XPR1: variants seen among roughly 807,000 people sequenced by gnomAD.
XPR1 encodes the protein solute carrier family 53 member 1.
XPR1 carries 28 observed loss-of-function variants against 87.5 expected under a neutral mutation model. The ratio of observed to expected loss-of-function variants is 0.32; its 90% CI spans 0.24 to 0.44. XPR1 has a LOEUF of 0.44. XPR1 is among the 20% of genes least tolerant of loss of function. The pLI, the probability that XPR1 is intolerant of heterozygous loss-of-function variation, is 1.00. For missense variants in XPR1, 559 were observed against 862.3 expected, an observed-to-expected ratio of 0.65 and a Z score of 4.41; for synonymous variants, 300 against 306.1, an observed-to-expected ratio of 0.98 and a Z score of 0.21.
chr1:180,853,791 G>GT (rs374408714), intron 11 of XPR1, among the ~76,000 whole-genome samples: 36,066 of 109,256 alleles, frequency 0.33, 6,871 homozygotes, highest in Non-Finnish European at 0.42. Context: ...CATTCATGTG[G>GT]TTTTTTTTTT....
chr1:180,714,565 C>T (rs929257055), intron 2 of XPR1, among the ~76,000 whole-genome samples: 2 of 151,878 alleles, frequency 1.3e-5, no homozygotes, highest in African/African-American at 4.8e-5. Context: ...CCACCATGCC[C>T]AGCTAAGTCT....
rs766778205 is a variant in XPR1 at position 180,632,213 on chromosome 1, C to T, written c.12C>T (p.Ala4=). Reference sequence around the variant, plus strand: ...GGGGAAACGGCAGGATGAAGTTCGCCGAGCACCTCTCCGCGCACATCACTC... The same window carrying T: ...GGGGAAACGGCAGGATGAAGTTCGCTGAGCACCTCTCCGCGCACATCACTC... MKF[A]EHLSAHITPE... is the part of the protein sequence containing the mutation. Residue 4 remains alanine (A), a synonymous_variant, in exon 1 of 15, where the codon GCC becomes GCT. Transcript: ENST00000367590. The T allele has an allele frequency of 5.6e-6, 9 of 1,610,100 alleles. No individual in the cohort carries two copies. Among genetic ancestry groups the T allele is most frequent in the Non-Finnish European group, 7.6e-6 (9 of 1,178,090 alleles).
At chr1:180,634,590 A>G (rs897777696) in intron 1 of XPR1, among the ~76,000 whole-genome samples, 2 of 152,314 alleles carry the variant, frequency 1.3e-5, no homozygotes, top group South Asian at 2.1e-4. Flanking sequence ...GTAGTTTCTC[A>G]TATGAAGATG....
At chr1:180,673,792 G>A (rs947114544) in intron 1 of XPR1, among the ~76,000 whole-genome samples, 1 of 152,338 alleles carries the variant, frequency 6.6e-6, no homozygotes, top group Admixed American at 6.5e-5. Flanking sequence ...AGTCCCTGGA[G>A]CCAAAAGGGT....
At chr1:180,804,055 G>T (rs1296218611) in intron 4 of XPR1, among the ~76,000 whole-genome samples, 1 of 150,960 alleles carries the variant, frequency 6.6e-6, no homozygotes, top group African/African-American at 2.4e-5. Context: ...ACACGATCTC[G>T]GCTCACTGCA....
chr1:180,807,215 C>T lies in XPR1; in HGVS notation c.681+658C>T, dbSNP rs190551748. 1.5e-4 allele frequency among the ~76,000 whole-genome samples: 23 copies of T among 152,096 alleles called. No homozygotes were observed. The South Asian group carries it at 2.1e-3, about 14-fold the overall frequency. ...ATTGTGCTGGAGATTATAGCCAGTG[C>T]GGTAAGGGAAGAAAAAGAAATAAAA... On this transcript the variant is annotated intron_variant, in intron 6 of 14. Transcript: ENST00000367590.
rs12092594 is a variant in XPR1 at position 180,733,713 on chromosome 1, C to T, written c.121+51302C>T. 1.4e-3 allele frequency among the ~76,000 whole-genome samples: 220 copies of T among 152,088 alleles called. 1 individual carries two copies. Among genetic ancestry groups the T allele is most frequent in the Non-Finnish European group, 3.5e-4 (24 of 67,986 alleles). On this transcript the variant is annotated intron_variant, in intron 2 of 14. Coordinates refer to ENST00000367590, the MANE Select transcript of XPR1 (RefSeq NM_004736.4). ...GGATTTAAGAACTATTAAAGGAACT[C>T]GGGAAGACGGGATTTTATTTGGGAG...
intron 1 of XPR1, among the ~76,000 whole-genome samples, chr1:180,648,398 A>G (rs1218325346): frequency 6.6e-6 from 1 of 152,238 alleles, no homozygotes; most frequent in Non-Finnish European, 1.5e-5. Flanking sequence ...TTCACTGCCC[A>G]TGTGCATCAG....
At chr1:180,858,854 A>G (rs1363778852) in intron 11 of XPR1, among the ~76,000 whole-genome samples, 1 of 152,188 alleles carries the variant, frequency 6.6e-6, no homozygotes, top group Non-Finnish European at 1.5e-5. Flanking sequence ...ACTAAAACAC[A>G]CTAAAGATCG....
intron 1 of XPR1, among the ~76,000 whole-genome samples, chr1:180,661,066 T>C (rs895615722): frequency 6.6e-6 from 1 of 152,200 alleles, no homozygotes; most frequent in Non-Finnish European, 1.5e-5. Flanking sequence ...TGTTATAGCC[T>C]GTTTCTGAAT....
intron 2 of XPR1, among the ~76,000 whole-genome samples, chr1:180,736,238 T>G (rs982254829): frequency 6.6e-6 from 1 of 152,174 alleles, no homozygotes; most frequent in African/African-American, 2.4e-5. Context: ...GGAAATAGCA[T>G]GTACCAAGAT....
intron 3 of XPR1, among the ~76,000 whole-genome samples, chr1:180,788,192 C>T (rs913047103): frequency 2.0e-5 from 3 of 152,122 alleles, no homozygotes; most frequent in East Asian, 3.9e-4. Flanking sequence ...ACAGTTCCAG[C>T]TTATCAGTGA....
chr1:180,701,323 T>C (rs2101969744), intron 2 of XPR1, among the ~76,000 whole-genome samples: 1 of 80,588 alleles, frequency 1.2e-5, no homozygotes, highest in Middle Eastern at 4.3e-3. Flanking sequence ...TTCCAGTTTT[T>C]GCCCATTCAG....
chr1:180,879,962 C>CT, intron 13 of XPR1, 114 bp from the exon 14 acceptor site: 1 of 1,134,132 alleles, frequency 8.8e-7, no homozygotes, highest in Non-Finnish European at 1.3e-6. Flanking sequence ...TATTCAAGCC[C>CT]TTAATTCTTT....
At chr1:180,844,296 A>G (rs1307991914) in intron 11 of XPR1, among the ~76,000 whole-genome samples, 1 of 152,204 alleles carries the variant, frequency 6.6e-6, no homozygotes. Context: ...TGAAAGTTGA[A>G]TTTTTAATTT....
At chr1:180,770,861 A>G (rs1377570093) in intron 2 of XPR1, among the ~76,000 whole-genome samples, 1 of 151,972 alleles carries the variant, frequency 6.6e-6, no homozygotes, top group Non-Finnish European at 1.5e-5. Context: ...TCCCAAGTCA[A>G]CCTTGCTCTC....
Position 180,836,527 on chromosome 1 carries a change from G to A in XPR1, c.1312G>A (p.Gly438Arg), listed in dbSNP as rs1427642900. 1 of 1,613,834 alleles carries A rather than the reference G, an allele frequency of 6.2e-7. No individual in the cohort carries two copies. The highest frequency in any genetic ancestry group is 1.7e-5 in the Admixed American group (1 of 59,974). The change falls in exon 11 of 15, where the codon GGA becomes AGA. Residue 438 changes from glycine to arginine, a missense_variant. By Grantham distance (125) the Gly-to-Arg change is moderately radical. Coordinates refer to ENST00000367590, the MANE Select transcript of XPR1 (RefSeq NM_004736.4). ...CTTCTTTGAAATCTTCACAGAATCA[G>A]GAATTTGCCACAAATATACATATGG... is the stretch of plus-strand genomic sequence containing the variant. ...GLLPNNSEESGICHKYTYGVR... is the reference protein window; with the variant it reads ...GLLPNNSEESRICHKYTYGVR...
At chr1:180,765,069 G>A (rs1167562137) in intron 2 of XPR1, among the ~76,000 whole-genome samples, 1 of 152,200 alleles carries the variant, frequency 6.6e-6, no homozygotes, top group Admixed American at 6.5e-5. Context: ...ACAGGCGTGA[G>A]CTACCGCGCT....
In XPR1 at chr1:180,889,340, G is replaced by A. The variant is rs1653113497; in HGVS notation, c.*5274G>A. ...TCGTATACCTTCAAACCAGTTACTT[G>A]ACTAAACTTCCACCATATTACCTTA... On this transcript the variant is annotated 3_prime_UTR_variant, in exon 15 of 15. Transcript: ENST00000367590. 1 of 152,198 alleles carries A rather than the reference G, an allele frequency of 6.6e-6. No individual in the cohort carries two copies. Among genetic ancestry groups the A allele is most frequent in the Non-Finnish European group, 1.5e-5 (1 of 68,034 alleles). 9.4% of individuals were successfully genotyped at this position (152,198 alleles called of 1,614,324 possible). A position where few individuals can be genotyped will look rare whatever the true frequency, so the allele number is the denominator to read the frequency against.
Sources: allele counts gnomAD v4.1 joint callset (sites outside exome capture counted in the v4.1 genomes callset), GRCh38; gene constraint gnomAD v4.1.1; transcripts MANE v1.5; gene names NCBI Gene and HGNC (gene_info 2026-07-23, HGNC 2026-07-21).